The following PCDHGB2 variants were observed in gnomAD, a reference collection of about 807,000 sequenced individuals.
The protein encoded by PCDHGB2 is protocadherin gamma-B2.
A neutral mutation model predicts 59.3 loss-of-function variants in PCDHGB2; 55 were observed. The ratio of observed to expected loss-of-function variants is 0.93; its 90% CI spans 0.75 to 1.16. The LOEUF (loss-of-function observed/expected upper bound fraction) is 1.16. Ranked by LOEUF, PCDHGB2 falls within the 50% of genes most tolerant of loss-of-function variation. PCDHGB2 has a pLI of 0.00. For synonymous variants in PCDHGB2, 516 were observed against 512.0 expected, an observed-to-expected ratio of 1.01 and a Z score of -0.11; for missense variants, 1,228 against 1,198.5, an observed-to-expected ratio of 1.02 and a Z score of -0.36.
At chr5:141,372,507 C>G (rs1393188281) in intron 1 of PCDHGB2, 1 of 1,614,044 alleles carries the variant, frequency 6.2e-7, no homozygotes, top group Non-Finnish European at 8.5e-7. Context: ...GCTCTTCCTC[C>G]TCGCGGTGAT....
rs763544302 is a variant in PCDHGB2, at chr5:141,385,145, T to C, written c.2421+22589T>C. On this transcript the variant is annotated intron_variant, in intron 1 of 3. Coordinates refer to ENST00000522605, the MANE Select transcript of PCDHGB2 (RefSeq NM_018923.3). ...GTGGGCATGGACGGGGTGCAGGCTTTCCTGCAGACCTATTCCCATGAGGTC... is the reference window on the plus strand; with the variant it reads ...GTGGGCATGGACGGGGTGCAGGCTTCCCTGCAGACCTATTCCCATGAGGTC... 5.6e-6 allele frequency: 9 copies of C among 1,614,106 alleles called. No homozygotes were observed. The highest frequency in any genetic ancestry group is 7.6e-6 in the Non-Finnish European group (9 of 1,180,050).
At chr5:141,506,680 A>G (rs949777571) in intron 3 of PCDHGB2, among the ~76,000 whole-genome samples, 1 of 152,212 alleles carries the variant, frequency 6.6e-6, no homozygotes, top group Non-Finnish European at 1.5e-5. Context: ...ATATATTATT[A>G]TCTTTGCTGA....
intron 1 of PCDHGB2, chr5:141,388,656 G>C (rs747453786): frequency 2.5e-5 from 40 of 1,613,886 alleles, no homozygotes; most frequent in Non-Finnish European, 3.4e-5. Context: ...CGTGTACCCG[G>C]GGACCACGGT....
chr5:141,384,002 T>C, intron 1 of PCDHGB2: 1 of 1,613,878 alleles, frequency 6.2e-7, no homozygotes, highest in South Asian at 1.1e-5. Flanking sequence ...GTCATTGCTC[T>C]TTTCTACCTA....
In PCDHGB2 at chr5:141,477,191, A is replaced by G; in HGVS notation, c.2422-17616A>G. ...GGAGATCACAGTCACCTCCGTGTACAGCCCAGTACCCGAGGATGCCCCTCT... is the reference window on the plus strand; with the variant it reads ...GGAGATCACAGTCACCTCCGTGTACGGCCCAGTACCCGAGGATGCCCCTCT... On this transcript the variant is annotated intron_variant, in intron 1 of 3. Transcript: ENST00000522605. This position sits in a 1 kb window ranked among gnomAD's most constrained non-coding sequence, Gnocchi z 4.9. 5.0e-6 allele frequency: 8 copies of G among 1,614,210 alleles called. No homozygotes were observed. The highest frequency in any genetic ancestry group is 6.8e-6 in the Non-Finnish European group (8 of 1,180,044).
At chr5:141,413,344 G>A in intron 1 of PCDHGB2, 1 of 1,613,986 alleles carries the variant, frequency 6.2e-7, no homozygotes. Context: ...CAAGGACTTG[G>A]GTCTGGCGCC....
At chr5:141,463,831 C>T (rs2099070299) in intron 1 of PCDHGB2, among the ~76,000 whole-genome samples, 1 of 152,174 alleles carries the variant, frequency 6.6e-6, no homozygotes, top group African/African-American at 2.4e-5. Flanking sequence ...TGATCCACTT[C>T]CCAGTTGTTA....
intron 1 of PCDHGB2, chr5:141,413,040 C>G: frequency 1.2e-6 from 1 of 840,546 alleles, no homozygotes; most frequent in Non-Finnish European, 1.8e-6. Flanking sequence ...GGCTGCTGGG[C>G]TGCAGGGAAG....
At position 141,477,368 on chromosome 5, in the gene PCDHGB2, G is replaced by A; in HGVS notation, c.2422-17439G>A. Reference sequence around the variant, plus strand: ...GAAAACCAGTGCAGACCTGGATCGGGAGACTGTGCCAGAATACAACCTCAG... The same window carrying A: ...GAAAACCAGTGCAGACCTGGATCGGAAGACTGTGCCAGAATACAACCTCAG... On this transcript the variant is annotated intron_variant, in intron 1 of 3. Coordinates refer to ENST00000522605, the MANE Select transcript of PCDHGB2 (RefSeq NM_018923.3). The surrounding 1 kb of genome is among the most constrained non-coding windows in gnomAD (Gnocchi z 4.9). 6.2e-7 allele frequency: 1 copy of A among 1,614,132 alleles called. No individual in the cohort carries two copies. Among genetic ancestry groups the A allele is most frequent in the Non-Finnish European group, 8.5e-7 (1 of 1,180,024 alleles).
At chr5:141,451,151 A>AT (rs1324071351) in intron 1 of PCDHGB2, among the ~76,000 whole-genome samples, 2 of 152,190 alleles carry the variant, frequency 1.3e-5, no homozygotes, top group Admixed American at 6.5e-5. Context: ...TAGACTAGAC[A>AT]TTTTTTTGGT....
At chr5:141,426,693 A>G (rs62378458) in intron 1 of PCDHGB2, 1 of 435,784 alleles carries the variant, frequency 2.3e-6, no homozygotes, top group African/African-American at 2.0e-5. Flanking sequence ...CCAAAATAGC[A>G]TTGTTTTACA....
At chr5:141,470,132 A>G (rs1411735203) in intron 1 of PCDHGB2, among the ~76,000 whole-genome samples, 1 of 151,586 alleles carries the variant, frequency 6.6e-6, no homozygotes, top group East Asian at 1.9e-4. Context: ...TCGTCTCAAA[A>G]AAAAAGATCA....
In PCDHGB2 at chr5:141,490,584, T is replaced by C; in HGVS notation, c.2422-4223T>C. The stretch of plus-strand genomic sequence containing the variant: ...TCAGGCTCAACATTTCAGATGTCAA[T>C]GACAATGCACCCCGCTTCAACCAGC... On this transcript the variant is annotated intron_variant, in intron 1 of 3. Coordinates refer to ENST00000522605, the MANE Select transcript of PCDHGB2 (RefSeq NM_018923.3). The surrounding 1 kb of genome is among the most constrained non-coding windows in gnomAD (Gnocchi z 5.4). 6.2e-7 allele frequency: 1 copy of C among 1,614,170 alleles called. No individual in the cohort carries two copies. Among genetic ancestry groups the C allele is most frequent in the South Asian group, 1.1e-5 (1 of 91,080 alleles).
At position 141,423,201 on chromosome 5, in the gene PCDHGB2, C is replaced by T. The variant is rs749613139; in HGVS notation, c.2421+60645C>T. 24 of 1,613,628 alleles carry T rather than the reference C, an allele frequency of 1.5e-5. No homozygotes were observed. The South Asian group carries it at 1.5e-4, about 10-fold the overall frequency. ...ACGGCCAGCCCCCTCTCTCGGCCAC[C>T]GTCACGCTCACCGTGGCTGTGGCCG... On this transcript the variant is annotated intron_variant, in intron 1 of 3. Coordinates refer to ENST00000522605, the MANE Select transcript of PCDHGB2 (RefSeq NM_018923.3).
chr5:141,421,288 C>T, intron 1 of PCDHGB2: 1 of 1,613,312 alleles, frequency 6.2e-7, no homozygotes, highest in Non-Finnish European at 8.5e-7. Context: ...GTGCATTTTC[C>T]TGGGGACGCT....
At chr5:141,456,700 C>T (rs1420857227) in intron 1 of PCDHGB2, among the ~76,000 whole-genome samples, 1 of 152,060 alleles carries the variant, frequency 6.6e-6, no homozygotes, top group Admixed American at 6.6e-5. Flanking sequence ...CGTGGTGGCT[C>T]GCGCCTGTAA....
chr5:141,506,165 C>T (rs1359711670), intron 3 of PCDHGB2, among the ~76,000 whole-genome samples: 8 of 152,038 alleles, frequency 5.3e-5, no homozygotes, highest in South Asian at 2.1e-4. Context: ...AAGAGCACAG[C>T]CTAAGCTGGG....
chr5:141,477,752 G>C lies in PCDHGB2; in HGVS notation c.2422-17055G>C. On this transcript the variant is annotated intron_variant, in intron 1 of 3. Coordinates refer to ENST00000522605, the MANE Select transcript of PCDHGB2 (RefSeq NM_018923.3). This position sits in a 1 kb window ranked among gnomAD's most constrained non-coding sequence, Gnocchi z 4.9. ...TCATATCAGCGATGGGGGCACCCCG[G>C]TCCTAGCCACCAACATCAGCGTGAA... The C allele has an allele frequency of 6.2e-7, 1 of 1,613,868 alleles. No homozygotes were observed.
At chr5:141,474,834 A>G (rs557557147) in intron 1 of PCDHGB2, among the ~76,000 whole-genome samples, 4 of 152,380 alleles carry the variant, frequency 2.6e-5, no homozygotes, top group South Asian at 4.1e-4. Context: ...ACTCTGTGCC[A>G]GGCACTTTAC....
Sources: allele counts gnomAD v4.1 joint callset (sites outside exome capture counted in the v4.1 genomes callset), GRCh38; gene constraint gnomAD v4.1.1; non-coding constraint Gnocchi (gnomAD v3.1); transcripts MANE v1.5; gene names NCBI Gene and HGNC (gene_info 2026-07-23, HGNC 2026-07-21).